Variants in GSN observed in about 807,000 individuals in gnomAD.
The protein encoded by GSN is gelsolin.
A neutral mutation model predicts 85.7 loss-of-function variants in GSN; 56 were observed. That is an observed-to-expected ratio of 0.65 (90% CI 0.53 to 0.82). The LOEUF is 0.82. Among genes scored for constraint, GSN ranks in the 40% least tolerant of loss-of-function variants. The pLI, the probability that GSN is intolerant of heterozygous loss-of-function variation, is 0.00. For synonymous variants in GSN, 373 were observed against 399.1 expected, an observed-to-expected ratio of 0.93 and a Z score of 0.78; for missense variants, 857 against 979.8, an observed-to-expected ratio of 0.87 and a Z score of 1.67.
In GSN at chr9:121,293,577, C is replaced by A. The variant is rs539488369; in HGVS notation, c.-9-8386C>A. On this transcript the variant is annotated intron_variant, in intron 2 of 17. Transcript: ENST00000432226. The stretch of plus-strand genomic sequence containing the variant: ...CAGCCTGGCCAACGTGGTAAAACCC[C>A]GTCTCTACTAAAAATACAAAAATTA... Among the ~76,000 whole-genome samples the A allele has an allele frequency of 9.2e-5, 14 of 151,858 alleles. No individual in the cohort carries two copies. The South Asian group carries it at 2.7e-3, about 29-fold the overall frequency.
chr9:121,331,674 C>A, intron 17 of GSN: 1 of 506,418 alleles, frequency 2.0e-6, no homozygotes, highest in Non-Finnish European at 3.6e-6. Flanking sequence ...AGAAGGCTCT[C>A]CTCTGTTCCA....
rs1454840948 is a variant in GSN at position 121,261,414 on chromosome 9, G to C, written c.-340-3740G>C. Among the ~76,000 whole-genome samples, 2 of 152,240 alleles carry C rather than the reference G, an allele frequency of 1.3e-5. No individual in the cohort carries two copies. Among genetic ancestry groups the C allele is most frequent in the African/African-American group, 4.8e-5 (2 of 41,458 alleles). On this transcript the variant is annotated intron_variant, in intron 6 of 24. Coordinates refer to the GSN transcript ENST00000373823. This position sits in a 1 kb window ranked among gnomAD's most constrained non-coding sequence, Gnocchi z 4.1. Reference sequence around the variant, plus strand: ...CTTCATTCAGCCTGGCATGCTCCCAGCCCCACATGAAAGGCAGTGGCTTTG... The same window carrying C: ...CTTCATTCAGCCTGGCATGCTCCCACCCCCACATGAAAGGCAGTGGCTTTG...
Position 121,319,318 on chromosome 9 carries a change from C to T in GSN, c.1191+438C>T, listed in dbSNP as rs372986833. Among the ~76,000 whole-genome samples, 6 of 152,006 alleles carry T rather than the reference C, an allele frequency of 3.9e-5. No individual in the cohort carries two copies. The East Asian group carries it at 5.8e-4, about 15-fold the overall frequency. ...CATTCCAGGAGGGACTCGCTATGTT[C>T]GGAAAGGAGGGAGCTATCCCAGGGG... is the stretch of plus-strand genomic sequence containing the variant. On this transcript the variant is annotated intron_variant, in intron 10 of 17. Coordinates refer to ENST00000432226, the MANE Select transcript of GSN (RefSeq NM_198252.3).
intron 2 of GSN, among the ~76,000 whole-genome samples, chr9:121,292,726 A>T (rs929277673): frequency 2.6e-5 from 4 of 152,092 alleles, no homozygotes; most frequent in African/African-American, 9.7e-5. Flanking sequence ...TTAGGTTGGA[A>T]GGTCACTTGT....
At chr9:121,301,924 G>A (rs906539501) in intron 2 of GSN, 39 bp from the exon 3 acceptor site, 1 of 1,613,464 alleles carries the variant, frequency 6.2e-7, no homozygotes, top group Non-Finnish European at 8.5e-7. Context: ...TCCCTGCCAG[G>A]ACCCTGCCCC....
Position 121,299,502 on chromosome 9 carries a change from TA to T in GSN, c.-9-2460del. ...GCTTTCAAAAATTGTTAGTTCATGT[TA>T]TTTTTTTGCTGGAGGTGTTAGGTGC... On this transcript the variant is annotated intron_variant, in intron 2 of 17. Coordinates refer to ENST00000432226, the MANE Select transcript of GSN (RefSeq NM_198252.3). The surrounding 1 kb of genome is among the most constrained non-coding windows in gnomAD (Gnocchi z 4.2). The T allele has an allele frequency of 1.0e-6, 1 of 983,176 alleles. No individual in the cohort carries two copies. Among genetic ancestry groups the T allele is most frequent in the Non-Finnish European group, 1.2e-6 (1 of 827,818 alleles). The allele number at this position is 983,176 out of a possible 1,614,324, so 60.9% of individuals were successfully genotyped here.
intron 4 of GSN, among the ~76,000 whole-genome samples, chr9:121,227,168 C>T (rs1006071891): frequency 2.0e-5 from 3 of 152,128 alleles, no homozygotes; most frequent in East Asian, 1.9e-4. Context: ...CCGAGGTGGG[C>T]GGATCATCTG....
intron 4 of GSN, among the ~76,000 whole-genome samples, chr9:121,224,815 T>TAAAA (rs1186394404): frequency 6.7e-6 from 1 of 148,804 alleles, no homozygotes; most frequent in African/African-American, 2.5e-5. Context: ...AAATAATAAA[T>TAAAA]AAATAAATAA....
intron 6 of GSN, 110 bp downstream of exon 6, chr9:121,312,598 C>G (rs879454424): frequency 1.0e-5 from 8 of 793,342 alleles, no homozygotes; most frequent in African/African-American, 1.8e-5. Flanking sequence ...AACTTCCGCT[C>G]TACCCCACCT....
intron 2 of GSN, among the ~76,000 whole-genome samples, chr9:121,293,055 G>C (rs1223686169): frequency 1.3e-5 from 2 of 152,186 alleles, no homozygotes; most frequent in Non-Finnish European, 2.9e-5. Context: ...TGGGGACACA[G>C]AAGGGCTTTG....
At chr9:121,293,632 A>T (rs1295523680) in intron 2 of GSN, among the ~76,000 whole-genome samples, 11 of 147,372 alleles carry the variant, frequency 7.5e-5, no homozygotes, top group Admixed American at 3.5e-4. Context: ...TGGGAGGCGG[A>T]GGTGGCAGTG....
At chr9:121,241,896 A>T (rs1761243885) in intron 5 of GSN, among the ~76,000 whole-genome samples, 1 of 152,116 alleles carries the variant, frequency 6.6e-6, no homozygotes, top group Admixed American at 6.6e-5. Flanking sequence ...CTCCAACCCC[A>T]CACCCCTGTG....
At position 121,261,389 on chromosome 9, in the gene GSN, C is replaced by A. The variant is rs1296716334; in HGVS notation, c.-340-3765C>A. ...GCGACAGCTTCCTCCTGCCCAGTGC[C>A]TTCATTCAGCCTGGCATGCTCCCAG... On this transcript the variant is annotated intron_variant, in intron 6 of 24. Coordinates refer to the GSN transcript ENST00000373823. The surrounding 1 kb of genome is among the most constrained non-coding windows in gnomAD (Gnocchi z 4.1). Among the ~76,000 whole-genome samples, 1 of 152,268 alleles carries A rather than the reference C, an allele frequency of 6.6e-6. No individual in the cohort carries two copies. Among genetic ancestry groups the A allele is most frequent in the African/African-American group, 2.4e-5 (1 of 41,472 alleles).
chr9:121,231,153 C>T (rs1207404890), intron 4 of GSN: 1 of 152,184 alleles, frequency 6.6e-6, no homozygotes, highest in African/African-American at 2.4e-5. Context: ...CCATGTTTGT[C>T]CTTTTCCATA....
At chr9:121,275,685 T>C (rs965361404) in intron 1 of GSN, among the ~76,000 whole-genome samples, 6 of 152,224 alleles carry the variant, frequency 3.9e-5, no homozygotes, top group African/African-American at 1.2e-4. Context: ...CAGAATTCTT[T>C]CTATGCTCTT....
At chr9:121,259,286 G>C (rs538461068) in intron 6 of GSN, among the ~76,000 whole-genome samples, 1 of 152,286 alleles carries the variant, frequency 6.6e-6, no homozygotes, top group African/African-American at 2.4e-5. Context: ...GGAGAATAAC[G>C]AGACAGGGGA....
intron 1 of GSN, among the ~76,000 whole-genome samples, chr9:121,276,059 A>G (rs1244855915): frequency 6.6e-6 from 1 of 152,226 alleles, no homozygotes; most frequent in Non-Finnish European, 1.5e-5. Flanking sequence ...TTTTCACAAG[A>G]TCCCCATGGA....
At chr9:121,324,711 T>A (rs999120074) in intron 12 of GSN, 67 bp downstream of exon 12, 2 of 779,272 alleles carry the variant, frequency 2.6e-6, no homozygotes, top group Admixed American at 4.0e-5. Context: ...CTCATCTGTC[T>A]GACTCTCATC....
chr9:121,217,477 G>T lies in GSN; in HGVS notation c.-528+6610G>T, dbSNP rs146430176. Among the ~76,000 whole-genome samples, 37 of 152,154 alleles carry T rather than the reference G, an allele frequency of 2.4e-4. No individual in the cohort carries two copies. The East Asian group carries it at 6.4e-3, about 26-fold the overall frequency. ...TTGTACAGATTATTTTGTCACCCAG[G>T]TATTAAGCCTAGTACCCATTAGTTC... On this transcript the variant is annotated intron_variant, in intron 4 of 24. Transcript: ENST00000373823.
Sources: gnomAD v4.1 joint callset for allele counts (sites outside exome capture counted in the v4.1 genomes callset) on GRCh38, gnomAD v4.1.1 for gene constraint, Gnocchi (gnomAD v3.1) non-coding constraint, MANE v1.5 for transcripts, NCBI Gene and HGNC (gene_info 2026-07-23, HGNC 2026-07-21) for gene names.